USP47: variants seen among roughly 807,000 people sequenced by gnomAD.
The protein encoded by USP47 is ubiquitin specific peptidase 47.
Under a neutral mutation model 165.1 loss-of-function variants are expected in USP47, and 35 were observed. The observed-to-expected ratio is 0.21, with a 90% confidence interval of 0.16 to 0.28. The LOEUF (loss-of-function observed/expected upper bound fraction) is 0.28, where lower values mean the gene tolerates loss of function less well. Ranked by LOEUF, USP47 falls within the 10% of genes least tolerant of loss-of-function variation. The pLI, the probability that USP47 is intolerant of heterozygous loss-of-function variation, is 1.00. For synonymous variants in USP47, 531 were observed against 544.5 expected, an observed-to-expected ratio of 0.98 and a Z score of 0.35; for missense variants, 1,277 against 1,607.4, an observed-to-expected ratio of 0.79 and a Z score of 3.52.
Position 11,922,793 on chromosome 11 carries a change from A to T in USP47, c.1288A>T (p.Met430Leu). ...TGAAGGTAGTTGTCACAGTGATCAG[A>T]TGAGCAACGATTTCTCCAATGATGA... ...ENEGSCHSDQ[M>L]SNDFSNDDGV... Residue 430 changes from methionine (M) to leucine (L), a missense_variant, in exon 11 of 28, where the codon ATG becomes TTG. Met to Leu is a conservative substitution (Grantham distance 15, BLOSUM62 2). Transcript: ENST00000527733. The T allele has an allele frequency of 6.2e-7, 1 of 1,611,792 alleles. No individual in the cohort carries two copies. Among genetic ancestry groups the T allele is most frequent in the Non-Finnish European group, 8.5e-7 (1 of 1,178,480 alleles).
At chr11:11,935,062 T>C (rs1854956360) in intron 16 of USP47, among the ~76,000 whole-genome samples, 1 of 152,110 alleles carries the variant, frequency 6.6e-6, no homozygotes, top group Non-Finnish European at 1.5e-5. Context: ...ATTTCTCTGT[T>C]GGAGCCTGGA....
intron 1 of USP47, among the ~76,000 whole-genome samples, chr11:11,860,031 G>A (rs892052998): frequency 6.6e-6 from 1 of 151,084 alleles, no homozygotes; most frequent in African/African-American, 2.4e-5. Context: ...GTGAACCCGG[G>A]AGATGTAGGC....
chr11:11,960,863 T>A lies in USP47; in HGVS notation c.*4688T>A, dbSNP rs1847421732. ...ACCACAGGAATACCTAATGCCTTTT[T>A]TCTCTTCCTGTCTTTGTCCCTCACA... On this transcript the variant is annotated 3_prime_UTR_variant, in exon 28 of 28. Coordinates refer to ENST00000527733, the MANE Select transcript of USP47 (RefSeq NM_001282659.2). Among the ~76,000 whole-genome samples the A allele has an allele frequency of 6.6e-6, 1 of 152,196 alleles. No individual in the cohort carries two copies. Among genetic ancestry groups the A allele is most frequent in the South Asian group, 2.1e-4 (1 of 4,828 alleles).
Position 11,933,120 on chromosome 11 carries a change from G to C in USP47, c.1764+4G>C. ...AATTGAGCGCAATACATGCAAGGTT[G>C]AATTCCATCATTTTATTTTTAATTG... On this transcript the variant is annotated splice_donor_region_variant and intron_variant, in intron 15 of 27. Coordinates refer to ENST00000527733, the MANE Select transcript of USP47 (RefSeq NM_001282659.2). 6.2e-7 allele frequency: 1 copy of C among 1,608,384 alleles called. No homozygotes were observed.
At position 11,960,174 on chromosome 11, in the gene USP47, T is replaced by C. The variant is rs570630141; in HGVS notation, c.*3999T>C. 6.6e-6 allele frequency among the ~76,000 whole-genome samples: 1 copy of C among 152,274 alleles called. No homozygotes were observed. The highest frequency in any genetic ancestry group is 2.4e-5 in the African/African-American group (1 of 41,556). ...GTTTCATTCAAAGCTCCCCTGAACC[T>C]CCATAGTGCCTCCAAGATGTGCTGT... On this transcript the variant is annotated 3_prime_UTR_variant, in exon 28 of 28. Transcript: ENST00000527733.
At position 11,884,578 on chromosome 11, in the gene USP47, C is replaced by G; in HGVS notation, c.355C>G (p.Leu119Val). Residue 119 changes from leucine (L) to valine (V), a missense_variant and splice_region_variant, in exon 3 of 28, where the codon CTG (leucine) becomes GTG (valine). Leu to Val is a conservative substitution (Grantham distance 32). Coordinates refer to ENST00000527733, the MANE Select transcript of USP47 (RefSeq NM_001282659.2). ...AGATGGTGAACAACCTCAAATACTG[C>G]TGGTAAGCTACTTAGAAAGCCCCAT... ...DKDGEQPQIL[L>V]EDSSAGEDSV... is the part of the protein sequence containing the mutation. The G allele has an allele frequency of 6.3e-7, 1 of 1,599,210 alleles. No homozygotes were observed. Among genetic ancestry groups the G allele is most frequent in the Non-Finnish European group, 8.5e-7 (1 of 1,174,714 alleles).
chr11:11,897,726 T>C, intron 5 of USP47, 33 bp downstream of exon 5: 1 of 1,426,416 alleles, frequency 7.0e-7, no homozygotes, highest in Non-Finnish European at 9.7e-7. Flanking sequence ...TACATAAAAT[T>C]GATTTAAGAA....
chr11:11,901,319 A>G (rs1403497141), intron 5 of USP47, among the ~76,000 whole-genome samples: 1 of 152,200 alleles, frequency 6.6e-6, no homozygotes, highest in African/African-American at 2.4e-5. Flanking sequence ...TGAAACTAAA[A>G]AGTGGGGAAA....
chr11:11,933,998 A>G (rs187222041), intron 16 of USP47, 63 bp downstream of exon 16: 83 of 1,202,882 alleles, frequency 6.9e-5, no homozygotes, highest in Non-Finnish European at 9.2e-5. Context: ...TAATTTCCCA[A>G]GTTTTTATAA....
intron 19 of USP47, among the ~76,000 whole-genome samples, chr11:11,941,833 GTCT>G (rs1432367927): frequency 6.6e-6 from 1 of 151,878 alleles, no homozygotes; most frequent in Non-Finnish European, 1.5e-5. Context: ...ATTTTCCTGT[GTCT>G]TTTTTGTTTG....
At chr11:11,849,001 C>G (rs1407184341) in intron 1 of USP47, among the ~76,000 whole-genome samples, 1 of 152,086 alleles carries the variant, frequency 6.6e-6, no homozygotes, top group Admixed American at 6.6e-5. Flanking sequence ...CTATCCCCAA[C>G]CACACACAAG....
Position 11,885,403 on chromosome 11 carries a change from C to T in USP47, c.357+823C>T, listed in dbSNP as rs560416637. On this transcript the variant is annotated intron_variant, in intron 3 of 27. Coordinates refer to ENST00000527733, the MANE Select transcript of USP47 (RefSeq NM_001282659.2). Reference sequence around the variant, plus strand: ...AAGAATGAAGAAAAGCAGGGTGGGGCGATGGCCCACCCAGGAGAGACACAA... The same window carrying T: ...AAGAATGAAGAAAAGCAGGGTGGGGTGATGGCCCACCCAGGAGAGACACAA... Among the ~76,000 whole-genome samples, 9 of 152,158 alleles carry T rather than the reference C, an allele frequency of 5.9e-5. No homozygotes were observed. In the East Asian group the frequency reaches 1.2e-3, roughly 20 times the overall value.
chr11:11,907,850 C>G (rs1229853491), intron 8 of USP47, among the ~76,000 whole-genome samples: 1 of 152,134 alleles, frequency 6.6e-6, no homozygotes, highest in East Asian at 1.9e-4. Context: ...AATCCCAGCA[C>G]TTTAGAAAGC....
intron 1 of USP47, among the ~76,000 whole-genome samples, chr11:11,859,945 A>G (rs1303781171): frequency 6.6e-6 from 1 of 151,836 alleles, no homozygotes; most frequent in Non-Finnish European, 1.5e-5. Flanking sequence ...CTCTACTAAA[A>G]ATACAAAAAT....
chr11:11,950,518 GAA>G, intron 24 of USP47, 36 bp downstream of exon 24: 1 of 1,374,660 alleles, frequency 7.3e-7, no homozygotes. Context: ...GTATCAGTTA[GAA>G]ATACTCTAGA....
rs763768897 is a variant in USP47 at position 11,940,481 on chromosome 11, A to G, written c.2246A>G (p.Asn749Ser). The G allele has an allele frequency of 1.7e-5, 28 of 1,611,932 alleles. No homozygotes were observed. The highest frequency in any genetic ancestry group is 2.2e-5 in the Non-Finnish European group (26 of 1,178,640). Residue 749 changes from asparagine to serine, a missense_variant, in exon 19 of 28, where the codon AAT (asparagine) becomes AGT (serine). Coordinates refer to ENST00000527733, the MANE Select transcript of USP47 (RefSeq NM_001282659.2). ...TMRIVLERCYNDLRLLSVSSK... is the reference protein window; with the variant it reads ...TMRIVLERCYSDLRLLSVSSK... The stretch of plus-strand genomic sequence containing the variant: ...AGAATAGTGCTGGAACGCTGCTACA[A>G]TGATTTGCGTCTTCTCAGTGTCTCC...
At chr11:11,926,446 T>G in intron 11 of USP47, among the ~76,000 whole-genome samples, 1 of 152,276 alleles carries the variant, frequency 6.6e-6, no homozygotes, top group African/African-American at 2.4e-5. Context: ...CCATTTCTTC[T>G]AGGGTATCCA....
chr11:11,922,993 A>C, intron 11 of USP47, 102 bp downstream of exon 11: 1 of 1,020,578 alleles, frequency 9.8e-7, no homozygotes, highest in South Asian at 2.0e-5. Flanking sequence ...TCTTTAAAAG[A>C]AACTTAATTT....
chr11:11,863,472 C>T (rs543473889), intron 1 of USP47, among the ~76,000 whole-genome samples: 2 of 152,302 alleles, frequency 1.3e-5, no homozygotes, highest in South Asian at 4.1e-4. Context: ...TTTAAGAACA[C>T]AGCTTTCTGC....
Sources: allele counts gnomAD v4.1 joint callset (sites outside exome capture counted in the v4.1 genomes callset), GRCh38; gene constraint gnomAD v4.1.1; transcripts MANE v1.5; gene names NCBI Gene and HGNC (gene_info 2026-07-23, HGNC 2026-07-21).